Variants in PHOX2B observed in about 807,000 individuals in gnomAD.
PHOX2B encodes the protein paired mesoderm homeobox protein 2B.
PHOX2B carries 1 observed loss-of-function variant against 15.5 expected under a neutral mutation model. That is an observed-to-expected ratio of 0.06 (90% CI 0.02 to 0.31). PHOX2B has a LOEUF of 0.31. Among genes scored for constraint, PHOX2B ranks in the 10% least tolerant of loss-of-function variants. The pLI is 1.00. For synonymous variants in PHOX2B, 206 were observed against 190.5 expected (o/e 1.08, Z -0.67); for missense variants, 314 against 436.4 (o/e 0.72, Z 2.50).
At position 41,745,322 on chromosome 4, in the gene PHOX2B, GCCTT is replaced by G. The variant is rs1428032928; in HGVS notation, c.*481_*484del. ...GGCTTTTTGTTTTTTAATGGTTTCTGCCTTCCAACTTTTTTGTTTTTATTTTTAC... is the reference window on the plus strand; with the variant it reads ...GGCTTTTTGTTTTTTAATGGTTTCTGCCAACTTTTTTGTTTTTATTTTTAC... On this transcript the variant is annotated 3_prime_UTR_variant, in exon 3 of 3. Coordinates refer to ENST00000226382, the MANE Select transcript of PHOX2B (RefSeq NM_003924.4). The surrounding 1 kb of genome is among the most constrained non-coding windows in gnomAD (Gnocchi z 4.0). 1 of 233,900 alleles carries G rather than the reference GCCTT, an allele frequency of 4.3e-6. No individual in the cohort carries two copies. The highest frequency in any genetic ancestry group is 2.2e-5 in the African/African-American group (1 of 45,338). The allele number at this position is 233,900 out of a possible 1,614,324, so 14.5% of individuals were successfully genotyped here.
chr4:41,747,083 T>C (rs1046645202), intron 2 of PHOX2B, among the ~76,000 whole-genome samples: 4 of 152,106 alleles, frequency 2.6e-5, no homozygotes, highest in African/African-American at 9.7e-5. Flanking sequence ...GTCCCCGAAA[T>C]TGCATCGCTC....
chr4:41,747,894 G>A (rs1044799691), intron 1 of PHOX2B, among the ~76,000 whole-genome samples: 2 of 152,144 alleles, frequency 1.3e-5, no homozygotes, highest in African/African-American at 4.8e-5. Context: ...TTACCAAACA[G>A]TCCCACTTTG....
In PHOX2B at chr4:41,748,556, C is replaced by T; in HGVS notation, c.55G>A (p.Ala19Thr). 6.2e-7 allele frequency: 1 copy of T among 1,613,750 alleles called. No individual in the cohort carries two copies. The highest frequency in any genetic ancestry group is 8.5e-7 in the Non-Finnish European group (1 of 1,179,642). ...GCCAGGCTCGAGGTGTCCATCCCAG[C>T]CATACAGGACTCGTAGGCAGAGGAA... The part of the protein sequence containing the change: ...LNSSAYESCM[A>T]GMDTSSLASA... The change falls in exon 1 of 3, where the codon GCT becomes ACT. Residue 19 changes from alanine (A) to threonine (T), a missense_variant. Physicochemically the swap from Ala to Thr is moderately conservative, Grantham distance 58. This residue lies in a region of PHOX2B where 102 missense variants were observed against 155.1 expected (regional missense o/e 0.66). Transcript: ENST00000226382.
chr4:41,747,680 G>T lies in PHOX2B; in HGVS notation c.242-144C>A, dbSNP rs968814433. ...CGAGAGAGTTGCCGAGAGAAGCTGCGGGAAGAAACCGAGGAAATTTGTTAT... is the reference window on the plus strand; with the variant it reads ...CGAGAGAGTTGCCGAGAGAAGCTGCTGGAAGAAACCGAGGAAATTTGTTAT... On this transcript the variant is annotated intron_variant, in intron 1 of 2. Coordinates refer to ENST00000226382, the MANE Select transcript of PHOX2B (RefSeq NM_003924.4). The T allele has an allele frequency of 1.2e-5, 9 of 747,238 alleles. No individual in the cohort carries two copies. The East Asian group carries it at 1.8e-4, about 15-fold the overall frequency. The allele number at this position is 747,238 out of a possible 1,614,324, so 46.3% of individuals were successfully genotyped here.
rs555491813 is a variant in PHOX2B, at chr4:41,745,120, G to A, written c.*687C>T. 7.0e-4 allele frequency: 160 copies of A among 228,454 alleles called. No homozygotes were observed. Among genetic ancestry groups the A allele is most frequent in the African/African-American group, 3.5e-3 (148 of 42,396 alleles). 14.2% of individuals were successfully genotyped at this position (228,454 alleles called of 1,614,324 possible). A position where few individuals can be genotyped will look rare whatever the true frequency, so the allele number is the denominator to read the frequency against. ...AAGGACACGATAGGAAGGGGGGCTGGAACGGCGTCCCTACTCTTCCCTGAA... is the reference window on the plus strand; with the variant it reads ...AAGGACACGATAGGAAGGGGGGCTGAAACGGCGTCCCTACTCTTCCCTGAA... On this transcript the variant is annotated 3_prime_UTR_variant, in exon 3 of 3. Coordinates refer to ENST00000226382, the MANE Select transcript of PHOX2B (RefSeq NM_003924.4). This position sits in a 1 kb window ranked among gnomAD's most constrained non-coding sequence, Gnocchi z 4.0.
chr4:41,745,754 G>A lies in PHOX2B; in HGVS notation c.*53C>T. ...TACCCGCTCGCCCACTCGCCCGCCC[G>A]GGCCCTGGCTCGCCCGCTGTCGCCG... On this transcript the variant is annotated 3_prime_UTR_variant, in exon 3 of 3. Coordinates refer to ENST00000226382, the MANE Select transcript of PHOX2B (RefSeq NM_003924.4). This position sits in a 1 kb window ranked among gnomAD's most constrained non-coding sequence, Gnocchi z 4.0. 1 of 1,569,068 alleles carries A rather than the reference G, an allele frequency of 6.4e-7. No individual in the cohort carries two copies. Among genetic ancestry groups the A allele is most frequent in the South Asian group, 1.2e-5 (1 of 86,200 alleles).
rs1386364284 is a variant in PHOX2B, at chr4:41,747,737, G to A, written c.242-201C>T. ...AAACCTGGGCTCAAACTTCGGGCTT[G>A]GCGGAGTCCTTTCTGGCACAAGCGC... On this transcript the variant is annotated intron_variant, in intron 1 of 2. Coordinates refer to ENST00000226382, the MANE Select transcript of PHOX2B (RefSeq NM_003924.4). 4 of 699,236 alleles carry A rather than the reference G, an allele frequency of 5.7e-6. No individual in the cohort carries two copies. The East Asian group carries it at 1.1e-4, about 19-fold the overall frequency. 43.3% of individuals were successfully genotyped at this position (699,236 alleles called of 1,614,324 possible).
chr4:41,746,011 GGCCGCCGCCGCTGCTGCTGC>G lies in PHOX2B; in HGVS notation c.721_740del (p.Ala241ArgfsTer112). 1 of 1,119,710 alleles carries G rather than the reference GGCCGCCGCCGCTGCTGCTGC, an allele frequency of 8.9e-7. No homozygotes were observed. The highest frequency in any genetic ancestry group is 1.7e-5 in the African/African-American group (1 of 59,356). 69.4% of individuals were successfully genotyped at this position (1,119,710 alleles called of 1,614,324 possible). On this transcript the variant is annotated frameshift_variant, in exon 3 of 3. Coordinates refer to ENST00000226382, the MANE Select transcript of PHOX2B (RefSeq NM_003924.4). LOFTEE classifies it high-confidence loss of function. ...CCGCTGCCGCCGCCGCCGCTGCCGC[GGCCGCCGCCGCTGCTGCTGC>G]GCCGCCCTTGCCGGGTTCGCCTCCC...
intron 2 of PHOX2B, 67 bp from the exon 3 acceptor site, chr4:41,746,389 C>G: frequency 6.5e-7 from 1 of 1,527,584 alleles, no homozygotes; most frequent in Non-Finnish European, 8.9e-7. Flanking sequence ...AAGAAAAGCA[C>G]CGGTTAGGGT....
intron 1 of PHOX2B, among the ~76,000 whole-genome samples, chr4:41,747,869 G>A (rs1733963069): frequency 6.6e-6 from 1 of 152,090 alleles, no homozygotes; most frequent in Non-Finnish European, 1.5e-5. Context: ...GAATATCAGG[G>A]AGCCAGGAAA....
At position 41,748,515 on chromosome 4, in the gene PHOX2B, G is replaced by T; in HGVS notation, c.96C>A (p.Asp32Glu). The change falls in exon 1 of 3, where the codon GAC (aspartate) becomes GAA (glutamate). Residue 32 changes from aspartate to glutamate, a missense_variant. Transcript: ENST00000226382. Reference protein sequence around the residue: ...DTSSLASAYADFSSCSQASGF... With the variant: ...DTSSLASAYAEFSSCSQASGF... ...CACTGGCCTGGCTGCAGGAACTGAA[G>T]TCAGCATAGGCTGAAGCCAGGCTCG... The T allele has an allele frequency of 1.2e-6, 2 of 1,614,224 alleles. No homozygotes were observed. Among genetic ancestry groups the T allele is most frequent in the Non-Finnish European group, 8.5e-7 (1 of 1,180,038 alleles).
Position 41,748,618 on chromosome 4 carries a change from G to T in PHOX2B, c.-8C>A. 6.2e-7 allele frequency: 1 copy of T among 1,613,016 alleles called. No individual in the cohort carries two copies. The highest frequency in any genetic ancestry group is 8.5e-7 in the Non-Finnish European group (1 of 1,179,070). On this transcript the variant is annotated 5_prime_UTR_variant, in exon 1 of 3. Transcript: ENST00000226382. ...ATATTCCATTTTATACATTGAAAAG[G>T]TTCTGGATGGCTCAGCCAAGTGGAA...
In PHOX2B at chr4:41,744,346, G is replaced by C. The variant is rs758077435; in HGVS notation, c.*1461C>G. The C allele has an allele frequency of 8.7e-6, 2 of 229,222 alleles. No homozygotes were observed. The highest frequency in any genetic ancestry group is 1.7e-5 in the Non-Finnish European group (2 of 115,496). The allele number at this position is 229,222 out of a possible 1,614,324, so 14.2% of individuals were successfully genotyped here. A position where few individuals can be genotyped will look rare whatever the true frequency, so the allele number is the denominator to read the frequency against. The stretch of plus-strand genomic sequence containing the variant: ...AACCGTGGCCTCTCTAAACACAAAA[G>C]ATTGAACCCGTGAGAACCTTATTAC... On this transcript the variant is annotated 3_prime_UTR_variant, in exon 3 of 3. Coordinates refer to ENST00000226382, the MANE Select transcript of PHOX2B (RefSeq NM_003924.4).
chr4:41,746,082 G>T lies in PHOX2B; in HGVS notation c.670C>A (p.Pro224Thr), dbSNP rs1060501118. 2.0e-6 allele frequency: 3 copies of T among 1,507,506 alleles called. No homozygotes were observed. The Admixed American group carries it at 6.0e-5, about 30-fold the overall frequency. The allele number at this position is 1,507,506 out of a possible 1,614,324, so 93.4% of individuals were successfully genotyped here. A position where few individuals can be genotyped will look rare whatever the true frequency, so the allele number is the denominator to read the frequency against. Residue 224 changes from proline to threonine, a missense_variant, in exon 3 of 3, where the codon CCG (proline) becomes ACG (threonine). Physicochemically the swap from Pro to Thr is conservative, Grantham distance 38 (BLOSUM62 -1). Coordinates refer to ENST00000226382, the MANE Select transcript of PHOX2B (RefSeq NM_003924.4). Reference sequence around the variant, plus strand: ...GGGCCCCCGGGCCCCGCCGCCCCCGGAGCTCCAGCCGGGCTGGGCCCGCCG... The same window carrying T: ...GGGCCCCCGGGCCCCGCCGCCCCCGTAGCTCCAGCCGGGCTGGGCCCGCCG... ...GGGGPSPAGA[P>T]GAAGPGGPGG...
rs745709595 is a variant in PHOX2B at position 41,745,955 on chromosome 4, G to A, written c.797C>T (p.Ala266Val). 6.9e-7 allele frequency: 1 copy of A among 1,453,728 alleles called. No individual in the cohort carries two copies. The highest frequency in any genetic ancestry group is 1.4e-5 in the African/African-American group (1 of 69,476). The allele number at this position is 1,453,728 out of a possible 1,614,324, so 90.1% of individuals were successfully genotyped here. A position where few individuals can be genotyped will look rare whatever the true frequency, so the allele number is the denominator to read the frequency against. The change falls in exon 3 of 3, where the codon GCT becomes GTT. Residue 266 changes from alanine (A) to valine (V), a missense_variant. Transcript: ENST00000226382. This position sits in a 1 kb window ranked among gnomAD's most constrained non-coding sequence, Gnocchi z 4.0. ...AGCCCAGCCTTGTCCAGGGCCCCCA[G>A]CCGCAGCCAGGCCTCCAGCTGCCGC... ...AAAAAGGLAAAGGPGQGWAPG... is the reference protein window; with the variant it reads ...AAAAAGGLAAVGGPGQGWAPG...
At chr4:41,747,962 A>G (rs965767886) in intron 1 of PHOX2B, among the ~76,000 whole-genome samples, 1 of 152,164 alleles carries the variant, frequency 6.6e-6, no homozygotes, top group African/African-American at 2.4e-5. Flanking sequence ...AAAGAGCTGC[A>G]AAAAAATAAT....
Position 41,745,882 on chromosome 4 carries a change from G to A in PHOX2B, c.870C>T (p.Pro290=), listed in dbSNP as rs17885864. The A allele has an allele frequency of 6.2e-7, 1 of 1,608,820 alleles. No homozygotes were observed. The highest frequency in any genetic ancestry group is 1.7e-5 in the Admixed American group (1 of 59,688). ...GGAGCGAAGATAGGACGCTGGCGAA[G>A]GGACCCCCAAGCGAATCCGGGATGG... ...ITSIPDSLGG[P]FASVLSSLQR... The change falls in exon 3 of 3, where the codon CCC becomes CCT. Residue 290 remains proline, a synonymous_variant. Transcript: ENST00000226382. The surrounding 1 kb of genome is among the most constrained non-coding windows in gnomAD (Gnocchi z 4.0).
chr4:41,745,996 CGCCGCCGCT>C lies in PHOX2B; in HGVS notation c.747_755del (p.Ala258_Ala260del). The C allele has an allele frequency of 8.3e-7, 1 of 1,204,808 alleles. No individual in the cohort carries two copies. Among genetic ancestry groups the C allele is most frequent in the Non-Finnish European group, 1.0e-6 (1 of 972,976 alleles). The allele number at this position is 1,204,808 out of a possible 1,614,324, so 74.6% of individuals were successfully genotyped here. On this transcript the variant is annotated inframe_deletion, in exon 3 of 3. Coordinates refer to ENST00000226382, the MANE Select transcript of PHOX2B (RefSeq NM_003924.4). The surrounding 1 kb of genome is among the most constrained non-coding windows in gnomAD (Gnocchi z 4.0). The stretch of plus-strand genomic sequence containing the variant: ...CAGCTGCCGCCGCTGCCGCTGCCGC[CGCCGCCGCT>C]GCCGCGGCCGCCGCCGCTGCTGCTG...
intron 1 of PHOX2B, chr4:41,747,804 T>G (rs755529899): frequency 3.1e-6 from 2 of 652,246 alleles, no homozygotes; most frequent in African/African-American, 3.6e-5. Context: ...GGACTTGAGA[T>G]AGTGCTTTCA....
Sources: gnomAD v4.1 joint callset for allele counts (sites outside exome capture counted in the v4.1 genomes callset) on GRCh38, gnomAD v4.1.1 for gene constraint, gnomAD v4.1.1 regional missense constraint, Gnocchi (gnomAD v3.1) non-coding constraint, MANE v1.5 for transcripts, NCBI Gene and HGNC (gene_info 2026-07-23, HGNC 2026-07-21) for gene names.